Variants in EXOC6B observed in about 807,000 individuals in gnomAD.
EXOC6B encodes the protein SEC15 homolog B.
Under a neutral mutation model 113.5 loss-of-function variants are expected in EXOC6B, and 54 were observed. The ratio of observed to expected loss-of-function variants is 0.48; its 90% CI spans 0.38 to 0.60. The LOEUF (loss-of-function observed/expected upper bound fraction) is 0.60, where lower values mean the gene tolerates loss of function less well. EXOC6B is among the 20% of genes least tolerant of loss of function. The pLI is 0.00. For missense variants in EXOC6B, 797 were observed against 977.5 expected, an observed-to-expected ratio of 0.82 and a Z score of 2.46; for synonymous variants, 357 against 339.0, an observed-to-expected ratio of 1.05 and a Z score of -0.58.
chr2:72,453,699 G>A (rs906194739), intron 18 of EXOC6B, among the ~76,000 whole-genome samples: 6 of 152,006 alleles, frequency 3.9e-5, no homozygotes, highest in Non-Finnish European at 8.8e-5. Context: ...TTAATTATTT[G>A]CTGATATTAG....
intron 18 of EXOC6B, among the ~76,000 whole-genome samples, chr2:72,442,522 T>C (rs548447401): frequency 9.3e-4 from 142 of 152,290 alleles, no homozygotes; most frequent in Non-Finnish European, 1.8e-3. Context: ...CTTCTTAAGC[T>C]GATAAACAAC....
chr2:72,264,048 G>A (rs1320155409), intron 20 of EXOC6B, among the ~76,000 whole-genome samples: 1 of 152,128 alleles, frequency 6.6e-6, no homozygotes, highest in East Asian at 1.9e-4. Flanking sequence ...CTGAATTAAG[G>A]AATGGGACTA....
At position 72,179,477 on chromosome 2, in the gene EXOC6B, A is replaced by G; in HGVS notation, c.2310-16T>C. The G allele has an allele frequency of 1.2e-6, 2 of 1,613,778 alleles. No homozygotes were observed. Among genetic ancestry groups the G allele is most frequent in the Admixed American group, 3.3e-5 (2 of 60,022 alleles). ...ATCCTTCATCCTAAACAGAGAAGGAAAGAAAGAGGGCAACATGTTTGAGGA... is the reference window on the plus strand; with the variant it reads ...ATCCTTCATCCTAAACAGAGAAGGAGAGAAAGAGGGCAACATGTTTGAGGA... On this transcript the variant is annotated splice_polypyrimidine_tract_variant and intron_variant, in intron 21 of 21. Transcript: ENST00000272427.
At chr2:72,550,818 T>C (rs1703168169) in intron 8 of EXOC6B, among the ~76,000 whole-genome samples, 1 of 152,110 alleles carries the variant, frequency 6.6e-6, no homozygotes, top group Non-Finnish European at 1.5e-5. Context: ...TACATGTCTA[T>C]AGTTTATGCC....
chr2:72,372,327 TTATA>T (rs1400355538), intron 19 of EXOC6B, among the ~76,000 whole-genome samples: 3 of 151,932 alleles, frequency 2.0e-5, no homozygotes, highest in Non-Finnish European at 4.4e-5. Flanking sequence ...ATCAGAAAAT[TTATA>T]TGGAAACACA....
At chr2:72,645,261 C>G (rs1260590276) in intron 6 of EXOC6B, among the ~76,000 whole-genome samples, 1 of 152,070 alleles carries the variant, frequency 6.6e-6, no homozygotes, top group African/African-American at 2.4e-5. Context: ...ATATATGCAC[C>G]CAATACAGGA....
chr2:72,536,925 G>A (rs1702323743), intron 8 of EXOC6B, among the ~76,000 whole-genome samples: 1 of 152,184 alleles, frequency 6.6e-6, no homozygotes, highest in Non-Finnish European at 1.5e-5. Flanking sequence ...TGAAGAGTTA[G>A]CACTCTCCAT....
At chr2:72,555,317 T>C (rs1157953971) in intron 8 of EXOC6B, among the ~76,000 whole-genome samples, 1 of 152,224 alleles carries the variant, frequency 6.6e-6, no homozygotes, top group Non-Finnish European at 1.5e-5. Flanking sequence ...TCTAGATCCT[T>C]AAGGAATTGC....
At chr2:72,569,628 G>A (rs752365779) in intron 7 of EXOC6B, among the ~76,000 whole-genome samples, 3 of 152,066 alleles carry the variant, frequency 2.0e-5, no homozygotes, top group African/African-American at 4.8e-5. Context: ...CTGGCCCATC[G>A]GTTGCCAATC....
intron 6 of EXOC6B, among the ~76,000 whole-genome samples, chr2:72,683,856 T>C (rs1444370972): frequency 6.6e-6 from 1 of 152,216 alleles, no homozygotes; most frequent in Admixed American, 6.5e-5. Context: ...TTTTTCTTTG[T>C]GCTTTCTTCA....
intron 6 of EXOC6B, among the ~76,000 whole-genome samples, chr2:72,597,913 C>CCCA (rs1670175941): frequency 6.6e-6 from 1 of 151,764 alleles, no homozygotes; most frequent in Admixed American, 6.6e-5. Flanking sequence ...TGGGTATGCA[C>CCCA]CTAACAACAG....
At chr2:72,498,013 A>C (rs1316633976) in intron 13 of EXOC6B, among the ~76,000 whole-genome samples, 3 of 152,208 alleles carry the variant, frequency 2.0e-5, no homozygotes, top group Non-Finnish European at 2.9e-5. Flanking sequence ...ATGAGGAACA[A>C]CATGAGTGAG....
chr2:72,560,815 T>A (rs190030733), intron 7 of EXOC6B, among the ~76,000 whole-genome samples: 1 of 150,660 alleles, frequency 6.6e-6, no homozygotes, highest in East Asian at 1.9e-4. Flanking sequence ...CAATATCCTA[T>A]ACCATGGTCC....
intron 6 of EXOC6B, among the ~76,000 whole-genome samples, chr2:72,674,492 A>G (rs928701195): frequency 2.0e-5 from 3 of 152,220 alleles, no homozygotes; most frequent in Non-Finnish European, 4.4e-5. Context: ...TTCATTTACT[A>G]CAATCATTTA....
At chr2:72,180,980 C>A (rs924215124) in intron 21 of EXOC6B, among the ~76,000 whole-genome samples, 1 of 151,932 alleles carries the variant, frequency 6.6e-6, no homozygotes, top group Non-Finnish European at 1.5e-5. Context: ...GAGGCCGAGG[C>A]GGGTGGATCA....
chr2:72,740,826 G>T (rs1244851038), intron 2 of EXOC6B, among the ~76,000 whole-genome samples: 1 of 152,172 alleles, frequency 6.6e-6, no homozygotes, highest in Non-Finnish European at 1.5e-5. Context: ...ATCTTGGCTG[G>T]GCGTGGTGGC....
At chr2:72,671,246 T>C (rs1225085671) in intron 6 of EXOC6B, among the ~76,000 whole-genome samples, 1 of 152,068 alleles carries the variant, frequency 6.6e-6, no homozygotes, top group Non-Finnish European at 1.5e-5. Flanking sequence ...TGGAAGAAAA[T>C]GTTTGCAACC....
intron 18 of EXOC6B, among the ~76,000 whole-genome samples, chr2:72,405,248 G>A (rs1693651041): frequency 6.6e-6 from 1 of 152,190 alleles, no homozygotes; most frequent in Admixed American, 6.5e-5. Flanking sequence ...AAAGTGACAG[G>A]GAGAATGGAA....
chr2:72,179,951 G>A (rs1311714208), intron 21 of EXOC6B, among the ~76,000 whole-genome samples: 1 of 152,130 alleles, frequency 6.6e-6, no homozygotes, highest in African/African-American at 2.4e-5. Context: ...ATAACTGAAG[G>A]CCACTGTATA....
Sources: gnomAD v4.1 joint callset for allele counts (sites outside exome capture counted in the v4.1 genomes callset) on GRCh38, gnomAD v4.1.1 for gene constraint, MANE v1.5 for transcripts, NCBI Gene and HGNC (gene_info 2026-07-23, HGNC 2026-07-21) for gene names.